The following XPA variants were observed in gnomAD, a reference collection of about 807,000 sequenced individuals.
XPA encodes DNA repair protein complementing XP-A cells.
XPA carries 27 observed loss-of-function variants against 35.7 expected under a neutral mutation model. That is an observed-to-expected ratio of 0.76 (90% CI 0.56 to 1.04). The LOEUF (loss-of-function observed/expected upper bound fraction) is 1.04, where lower values mean the gene tolerates loss of function less well. XPA is among the 50% of genes least tolerant of loss of function. The probability of loss-of-function intolerance (pLI) is 0.00; values close to 1 mark genes in which losing one functional copy is unlikely to be tolerated. For missense variants in XPA, 354 were observed against 342.7 expected (o/e 1.03, Z -0.26); for synonymous variants, 133 against 118.4 (o/e 1.12, Z -0.80).
At position 97,687,087 on chromosome 9, in the gene XPA, A is replaced by T. The variant is rs1229319181; in HGVS notation, c.555+9T>A. On this transcript the variant is annotated intron_variant, in intron 4 of 5. Coordinates refer to ENST00000375128, the MANE Select transcript of XPA (RefSeq NM_000380.4). ...GAGTGAAAAATAATAAATACAACTT[A>T]TTAGAGACCTGTAACTTTAAGTAGA... 1.2e-6 allele frequency: 2 copies of T among 1,605,910 alleles called. No homozygotes were observed. Among genetic ancestry groups the T allele is most frequent in the Non-Finnish European group, 1.7e-6 (2 of 1,177,648 alleles).
chr9:97,654,648 G>A, the XPA span, among the ~76,000 whole-genome samples: 8 of 152,168 alleles, frequency 5.3e-5, no homozygotes, highest in East Asian at 1.4e-3. Flanking sequence ...GGGAAATTTG[G>A]GAGGTGATGA....
chr9:97,673,299 G>T (rs186536437), downstream of XPA: 1 of 152,060 alleles, frequency 6.6e-6, no homozygotes, highest in Non-Finnish European at 1.5e-5. Context: ...GTTGTTCAAG[G>T]GTCAACTGTA....
At chr9:97,656,154 T>C in the XPA span, 1 of 1,244,646 alleles carries the variant, frequency 8.0e-7, no homozygotes, top group Non-Finnish European at 1.2e-6. Context: ...GCACTTGTGA[T>C]GTGTGTTCAG....
downstream of XPA, among the ~76,000 whole-genome samples, chr9:97,670,378 G>A (rs73500325): frequency 0.12 from 17,847 of 152,190 alleles, 2,969 homozygotes; most frequent in African/African-American, 0.36. Flanking sequence ...TAAGCTCCCT[G>A]GGGTCTCTCT....
At chr9:97,655,890 C>T in the XPA span, 1 of 1,309,506 alleles carries the variant, frequency 7.6e-7, no homozygotes, top group Non-Finnish European at 1.1e-6. Context: ...CAAATAGTTA[C>T]AAGTGCAATT....
At chr9:97,662,915 T>A in the XPA span, 1 of 1,408,190 alleles carries the variant, frequency 7.1e-7, no homozygotes, top group African/African-American at 1.4e-5. Context: ...GTTTAATGAA[T>A]AAGTATATAT....
chr9:97,675,905 A>G (rs1388310056), intron 5 of XPA: 4 of 334,038 alleles, frequency 1.2e-5, no homozygotes, highest in African/African-American at 6.3e-5. Context: ...AATAGGACAC[A>G]TTCAGGTACG....
the XPA span, among the ~76,000 whole-genome samples, chr9:97,657,891 T>A: frequency 1.4e-5 from 1 of 71,546 alleles, no homozygotes; most frequent in East Asian, 3.8e-4. Flanking sequence ...GTAAGCTCTC[T>A]CTCTCTCTCT....
chr9:97,686,772 C>A (rs1024464876), intron 4 of XPA, among the ~76,000 whole-genome samples: 1 of 151,930 alleles, frequency 6.6e-6, no homozygotes, highest in Non-Finnish European at 1.5e-5. Context: ...ACAAAAAATA[C>A]AAAAAACTAG....
chr9:97,679,113 AAATC>A (rs1164634656), intron 5 of XPA, among the ~76,000 whole-genome samples: 3 of 152,210 alleles, frequency 2.0e-5, no homozygotes, highest in Non-Finnish European at 2.9e-5. Context: ...CATAAATACT[AAATC>A]AATGTTAAAT....
the XPA span, among the ~76,000 whole-genome samples, chr9:97,668,094 C>T: frequency 6.6e-6 from 1 of 152,078 alleles, no homozygotes; most frequent in Non-Finnish European, 1.5e-5. Context: ...GTATTAACCT[C>T]GAAGAATTAC....
the XPA span, chr9:97,669,081 T>C: frequency 1.1e-5 from 14 of 1,268,846 alleles, no homozygotes; most frequent in South Asian, 1.3e-4. Context: ...CATTCATTTA[T>C]AGAAGAGATT....
At chr9:97,658,257 C>T in the XPA span, among the ~76,000 whole-genome samples, 1,500 of 152,268 alleles carry the variant, frequency 9.9e-3, 11 homozygotes, top group Non-Finnish European at 0.015. Flanking sequence ...CACTTCTTCT[C>T]TACCATGATT....
the XPA span, chr9:97,655,644 G>A: frequency 1.8e-5 from 26 of 1,430,022 alleles, no homozygotes; most frequent in Non-Finnish European, 2.4e-5. Flanking sequence ...ATAAGTTTCT[G>A]TTCTAAATCC....
At chr9:97,674,527 A>G (rs1828291098), downstream of XPA, among the ~76,000 whole-genome samples, 1 of 152,254 alleles carries the variant, frequency 6.6e-6, no homozygotes. Flanking sequence ...ACTAACTGGA[A>G]TTTGTTTTTG....
At chr9:97,687,559 G>A (rs1404272438) in intron 3 of XPA, among the ~76,000 whole-genome samples, 1 of 152,202 alleles carries the variant, frequency 6.6e-6, no homozygotes, top group Non-Finnish European at 1.5e-5. Flanking sequence ...AAGAGGACCA[G>A]TGTAACTAGA....
rs759790840 is a variant in XPA at position 97,684,933 on chromosome 9, T to C, written c.663A>G (p.Lys221=). 5.3e-5 allele frequency: 86 copies of C among 1,613,216 alleles called. No homozygotes were observed. Among genetic ancestry groups the C allele is most frequent in the Non-Finnish European group, 7.3e-5 (86 of 1,179,464 alleles). Residue 221 remains lysine, a synonymous_variant, in exon 5 of 6, where the codon AAA becomes AAG. Coordinates refer to ENST00000375128, the MANE Select transcript of XPA (RefSeq NM_000380.4). ...REKMKQKKFD[K]KVKELRRAVR... ...AATGTGGCCATCTACCTTTTACTTTTTTATCAAATTTCTTCTGTTTCATTT... is the reference window on the plus strand; with the variant it reads ...AATGTGGCCATCTACCTTTTACTTTCTTATCAAATTTCTTCTGTTTCATTT...
At chr9:97,669,148 A>T in the XPA span, among the ~76,000 whole-genome samples, 1 of 152,186 alleles carries the variant, frequency 6.6e-6, no homozygotes, top group East Asian at 1.9e-4. Flanking sequence ...GCAACCATGT[A>T]TGTCTGAGTT....
chr9:97,660,390 A>G, the XPA span, among the ~76,000 whole-genome samples: 1 of 152,254 alleles, frequency 6.6e-6, no homozygotes, highest in Admixed American at 6.5e-5. Context: ...TAGTAAATAC[A>G]AGGAGTCCCA....
Sources: allele counts gnomAD v4.1 joint callset (sites outside exome capture counted in the v4.1 genomes callset), GRCh38; gene constraint gnomAD v4.1.1; transcripts MANE v1.5; gene names NCBI Gene and HGNC (gene_info 2026-07-23, HGNC 2026-07-21).